TUT7: variants seen among roughly 807,000 people sequenced by gnomAD.
TUT7 encodes the protein terminal uridylyltransferase 7.
TUT7 carries 33 observed loss-of-function variants against 165.9 expected under a neutral mutation model. That is an observed-to-expected ratio of 0.20 (90% CI 0.15 to 0.27). The LOEUF (loss-of-function observed/expected upper bound fraction) is 0.27. TUT7 is among the 10% of genes least tolerant of loss of function. The pLI, the probability that TUT7 is intolerant of heterozygous loss-of-function variation, is 1.00. For synonymous variants in TUT7, 552 were observed against 608.1 expected, an observed-to-expected ratio of 0.91 and a Z score of 1.36; for missense variants, 1,338 against 1,762.3, an observed-to-expected ratio of 0.76 and a Z score of 4.31.
intron 2 of TUT7, among the ~76,000 whole-genome samples, chr9:86,348,938 T>TAA (rs1832024035): frequency 4.6e-4 from 70 of 152,016 alleles, no homozygotes; most frequent in Admixed American, 4.6e-3. Context: ...GTAAAAACTG[T>TAA]CAAAATCTCA....
Position 86,353,069 on chromosome 9 carries a change from C to T in TUT7, c.131G>A (p.Gly44Asp). 1 of 1,614,158 alleles carries T rather than the reference C, an allele frequency of 6.2e-7. No individual in the cohort carries two copies. Among genetic ancestry groups the T allele is most frequent in the Non-Finnish European group, 8.5e-7 (1 of 1,180,030 alleles). Reference protein sequence around the residue: ...LIIDDHAKGHGSKMEKGLQKK... With the variant: ...LIIDDHAKGHDSKMEKGLQKK... ...TTGAAGGCCCTTTTCCATTTTACTG[C>T]CATGGCCTTTAGCATGGTCATCTAT... Residue 44 changes from glycine to aspartate, a missense_variant, in exon 2 of 27, where the codon GGC (glycine) becomes GAC (aspartate). Physicochemically the swap from Gly to Asp is moderately conservative, Grantham distance 94. Coordinates refer to ENST00000375963, the MANE Select transcript of TUT7 (RefSeq NM_024617.4).
chr9:86,317,358 A>G, intron 16 of TUT7, 82 bp from the exon 17 acceptor site: 1 of 1,111,654 alleles, frequency 9.0e-7, no homozygotes, highest in Non-Finnish European at 1.3e-6. Flanking sequence ...TTACCTTCAG[A>G]AATAATGTAA....
chr9:86,289,130 C>A (rs1285569952), intron 26 of TUT7, among the ~76,000 whole-genome samples: 1 of 152,140 alleles, frequency 6.6e-6, no homozygotes, highest in African/African-American at 2.4e-5. Context: ...TATCTTAGAT[C>A]ATTACTCTGC....
chr9:86,323,797 T>C lies in TUT7; in HGVS notation c.1953A>G (p.Ser651=), dbSNP rs1212626176. The change falls in exon 13 of 27, where the codon TCA becomes TCG. Residue 651 remains serine, a synonymous_variant. Coordinates refer to ENST00000375963, the MANE Select transcript of TUT7 (RefSeq NM_024617.4). The part of the protein sequence containing the change: ...LKPLNAITCI[S]EHSKEVINHH... ...GATTTATTACTTCTTTAGAATGTTCTGAAATACATGTAATTGCATTCAGAG... is the reference window on the plus strand; with the variant it reads ...GATTTATTACTTCTTTAGAATGTTCCGAAATACATGTAATTGCATTCAGAG... 1 of 1,613,916 alleles carries C rather than the reference T, an allele frequency of 6.2e-7. No individual in the cohort carries two copies. The highest frequency in any genetic ancestry group is 8.5e-7 in the Non-Finnish European group (1 of 1,179,986).
rs1306459242 is a variant in TUT7, at chr9:86,310,075, T to TC, written c.3379-59_3379-58insG. On this transcript the variant is annotated intron_variant, in intron 18 of 26. Transcript: ENST00000375963. The stretch of plus-strand genomic sequence containing the variant: ...CAATGAAGTGTAAAGGGTCTCTTTT[T>TC]TTTTTTTGGTTGTTGTTTTAAATAA... 4.8e-6 allele frequency: 7 copies of TC among 1,462,888 alleles called. No homozygotes were observed. The East Asian group carries it at 1.6e-4, about 34-fold the overall frequency. 90.6% of individuals were successfully genotyped at this position (1,462,888 alleles called of 1,614,324 possible). A position where few individuals can be genotyped will look rare whatever the true frequency, so the allele number is the denominator to read the frequency against.
intron 26 of TUT7, among the ~76,000 whole-genome samples, chr9:86,296,648 A>G (rs1419420918): frequency 6.6e-6 from 1 of 152,248 alleles, no homozygotes; most frequent in African/African-American, 2.4e-5. Flanking sequence ...TGTTAACACC[A>G]ATTTTATAGA....
intron 26 of TUT7, among the ~76,000 whole-genome samples, chr9:86,290,093 C>T (rs1321486183): frequency 2.0e-5 from 3 of 151,992 alleles, no homozygotes; most frequent in African/African-American, 4.8e-5. Context: ...ATACCTGCCC[C>T]CTTGAAGTTA....
At chr9:86,325,567 G>T in intron 11 of TUT7, 53 bp from the exon 12 acceptor site, 1 of 1,480,696 alleles carries the variant, frequency 6.8e-7, no homozygotes, top group Non-Finnish European at 9.1e-7. Context: ...AGTACAATCT[G>T]GAAAATTAAA....
At position 86,301,331 on chromosome 9, in the gene TUT7, A is replaced by G. The variant is rs757863898; in HGVS notation, c.4365T>C (p.Ile1455=). 7 of 1,614,158 alleles carry G rather than the reference A, an allele frequency of 4.3e-6. No individual in the cohort carries two copies. In the East Asian group the frequency reaches 8.9e-5, roughly 21 times the overall value. The change falls in exon 26 of 27, where the codon ATT becomes ATC. Residue 1455 remains isoleucine, a synonymous_variant. Coordinates refer to ENST00000375963, the MANE Select transcript of TUT7 (RefSeq NM_024617.4). The stretch of plus-strand genomic sequence containing the variant: ...TTTTAATGTGCCCTTCTCTTCCACA[A>G]ATAAAACAACGTTTTTCTCTTAAGT... ...DKDLREKRCF[I]CGREGHIKKE...
In TUT7 at chr9:86,323,221, G is replaced by A; in HGVS notation, c.2529C>T (p.Pro843=). 6.2e-7 allele frequency: 1 copy of A among 1,614,040 alleles called. No individual in the cohort carries two copies. Among genetic ancestry groups the A allele is most frequent in the Non-Finnish European group, 8.5e-7 (1 of 1,180,004 alleles). ...CGTCGTCCTCCTCCTCTTCATCAGA[G>A]GGAATCATTTCTGATGTCTGGCCCT... ...SVQGQTSEMI[P]SDEEEEDDEE... is the part of the protein sequence containing the mutation. The change falls in exon 13 of 27, where the codon CCC becomes CCT. Residue 843 remains proline, a synonymous_variant. Transcript: ENST00000375963.
At chr9:86,330,547 T>A (rs1223210412) in intron 10 of TUT7, among the ~76,000 whole-genome samples, 1 of 152,180 alleles carries the variant, frequency 6.6e-6, no homozygotes, top group Non-Finnish European at 1.5e-5. Flanking sequence ...GTAGCTTGAG[T>A]TTTTGTTTAT....
At chr9:86,316,520 C>A (rs143111297) in intron 17 of TUT7, among the ~76,000 whole-genome samples, 25 of 152,324 alleles carry the variant, frequency 1.6e-4, no homozygotes, top group Non-Finnish European at 3.7e-4. Flanking sequence ...AACCCACAAG[C>A]CCAGTCCGGG....
chr9:86,352,705 C>A lies in TUT7; in HGVS notation c.495G>T (p.Thr165=). The change falls in exon 2 of 27, where the codon ACG becomes ACT. Residue 165 remains threonine, a synonymous_variant. Coordinates refer to ENST00000375963, the MANE Select transcript of TUT7 (RefSeq NM_024617.4). The part of the protein sequence containing the change: ...FHKDLTSLET[T]SEMEAGSPEN... ...CAGGACTTCCTGCTTCCATTTCTGA[C>A]GTGGTTTCTAGGCTTGTTAGGTCTT... is the stretch of plus-strand genomic sequence containing the variant. 1.9e-6 allele frequency: 3 copies of A among 1,614,218 alleles called. No individual in the cohort carries two copies. The highest frequency in any genetic ancestry group is 2.5e-6 in the Non-Finnish European group (3 of 1,180,042).
intron 19 of TUT7, 67 bp downstream of exon 19, chr9:86,309,861 A>C: frequency 7.0e-7 from 1 of 1,425,500 alleles, no homozygotes; most frequent in Non-Finnish European, 9.8e-7. Flanking sequence ...AAATAGATTT[A>C]TGTTTTCAAC....
chr9:86,301,779 A>C, intron 25 of TUT7, 178 bp from the exon 26 acceptor site: 2 of 985,380 alleles, frequency 2.0e-6, no homozygotes, highest in Non-Finnish European at 2.4e-6. Flanking sequence ...ATGCTCCCTC[A>C]GGGTTTAAGG....
chr9:86,323,493 CTT>C lies in TUT7; in HGVS notation c.2255_2256del (p.Lys752ArgfsTer14). 6.2e-7 allele frequency: 1 copy of C among 1,614,244 alleles called. No homozygotes were observed. ...TGCTTGCCCTTCCTTCCAACTTTCTCTTTCTCGTTTTTCCTTCCTGTTTCTGG... is the reference window on the plus strand; with the variant it reads ...TGCTTGCCCTTCCTTCCAACTTTCTCTCTCGTTTTTCCTTCCTGTTTCTGG... ...YHPETGRKNEKEKVGRKGKHL... is the reference protein window; with the variant it reads ...YHPETGRKNEXEKVGRKGKHL... On this transcript the variant is annotated frameshift_variant, in exon 13 of 27. Coordinates refer to ENST00000375963, the MANE Select transcript of TUT7 (RefSeq NM_024617.4). LOFTEE classifies it high-confidence loss of function.
In TUT7 at chr9:86,337,446, G is replaced by C; in HGVS notation, c.1428C>G (p.Pro476=). 1 of 1,613,720 alleles carries C rather than the reference G, an allele frequency of 6.2e-7. No homozygotes were observed. The highest frequency in any genetic ancestry group is 8.5e-7 in the Non-Finnish European group (1 of 1,179,812). The change falls in exon 10 of 27, where the codon CCC becomes CCG. Residue 476 remains proline, a synonymous_variant. Transcript: ENST00000375963. ...AIFFLQQRKE[P]LLPVYLGSWI... ...ATGATCCTAGATATACAGGCAAAAG[G>C]GGTTCTTTCCTCTGCTGAAGAAAGA...
intron 16 of TUT7, 147 bp downstream of exon 16, chr9:86,318,810 CT>C (rs1828973206): frequency 3.8e-6 from 2 of 525,728 alleles, no homozygotes; most frequent in Admixed American, 7.3e-5. Flanking sequence ...TTCCAAGCCT[CT>C]TAATGTATTT....
At chr9:86,349,005 G>T (rs1165146220) in intron 2 of TUT7, among the ~76,000 whole-genome samples, 4 of 152,086 alleles carry the variant, frequency 2.6e-5, no homozygotes, top group African/African-American at 9.7e-5. Context: ...TTGGCCAGGC[G>T]TGGCAGCTCA....
Sources: gnomAD v4.1 joint callset for allele counts (sites outside exome capture counted in the v4.1 genomes callset) on GRCh38, gnomAD v4.1.1 for gene constraint, MANE v1.5 for transcripts, NCBI Gene and HGNC (gene_info 2026-07-23, HGNC 2026-07-21) for gene names.